The following ESR1 variants were observed in gnomAD, a reference collection of about 807,000 sequenced individuals.
ESR1 encodes the protein estrogen receptor 1, also known as estrogen receptor.
A neutral mutation model predicts 52.7 loss-of-function variants in ESR1; 12 were observed. The ratio of observed to expected loss-of-function variants is 0.23; its 90% CI spans 0.15 to 0.37. The LOEUF is 0.37. Ranked by LOEUF, ESR1 falls within the 10% of genes least tolerant of loss-of-function variation. The pLI, the probability that ESR1 is intolerant of heterozygous loss-of-function variation, is 1.00. For missense variants in ESR1, 584 were observed against 779.7 expected (o/e 0.75, Z 2.99); for synonymous variants, 305 against 316.8 (o/e 0.96, Z 0.39).
chr6:151,788,884 T>C (rs1056318378), intron 2 of ESR1, among the ~76,000 whole-genome samples: 13 of 152,112 alleles, frequency 8.5e-5, no homozygotes, highest in Admixed American at 2.6e-4. Flanking sequence ...TTCTCACTTG[T>C]AAGTGGGAGC....
intron 1 of ESR1, among the ~76,000 whole-genome samples, chr6:151,832,385 C>T (rs1782586889): frequency 6.6e-6 from 1 of 152,056 alleles, no homozygotes; most frequent in Non-Finnish European, 1.5e-5. Context: ...CATACATTTA[C>T]TTTTGTGGAA....
At chr6:151,822,621 G>T (rs915041776) in intron 1 of ESR1, among the ~76,000 whole-genome samples, 1 of 152,202 alleles carries the variant, frequency 6.6e-6, no homozygotes, top group Non-Finnish European at 1.5e-5. Flanking sequence ...GAATCTCCAT[G>T]AAGGAGAGCT....
intron 2 of ESR1, among the ~76,000 whole-genome samples, chr6:151,775,627 TC>T (rs998953478): frequency 6.6e-6 from 1 of 151,626 alleles, no homozygotes; most frequent in Non-Finnish European, 1.5e-5. Context: ...GCGCCTGTAG[TC>T]CCAGCTACTC....
chr6:151,968,671 G>T (rs2038563511), intron 4 of ESR1, among the ~76,000 whole-genome samples: 1 of 152,032 alleles, frequency 6.6e-6, no homozygotes, highest in South Asian at 2.1e-4. Context: ...TTACAAATGG[G>T]AGTCAAGGTG....
At chr6:151,850,105 T>TACAAAATTATATATATTATTTTATATGC (rs1554268323) in intron 2 of ESR1, among the ~76,000 whole-genome samples, 3 of 43,752 alleles carry the variant, frequency 6.9e-5, no homozygotes, top group East Asian at 1.9e-3. Flanking sequence ...TTTATATATA[T>TACAAAATTATATATATTATTTTATATGC]ATACAAAATT....
rs563855543 is a variant in ESR1 at position 151,938,324 on chromosome 6, C to T, written c.761-5849C>T. Among the ~76,000 whole-genome samples, 11 of 151,924 alleles carry T rather than the reference C, an allele frequency of 7.2e-5. 2 individuals carry two copies. Among genetic ancestry groups the T allele is most frequent in the African/African-American group, 2.4e-4 (10 of 41,426 alleles). On this transcript the variant is annotated intron_variant, in intron 3 of 7. Coordinates refer to ENST00000206249, the MANE Select transcript of ESR1 (RefSeq NM_000125.4). ...ATTCTATTCCTAATGAATACTCAGG[C>T]AGTATGTTAACTTTTTCTGAGATAC...
chr6:151,793,927 G>T (rs542204903), intron 2 of ESR1, among the ~76,000 whole-genome samples: 5 of 152,338 alleles, frequency 3.3e-5, no homozygotes, highest in Admixed American at 3.3e-4. Context: ...TTAAATTCAT[G>T]TACTTGCAAT....
At chr6:152,038,387 C>T (rs1246158754) in intron 5 of ESR1, among the ~76,000 whole-genome samples, 2 of 152,150 alleles carry the variant, frequency 1.3e-5, no homozygotes, top group African/African-American at 4.8e-5. Context: ...CCAAGGACAG[C>T]ACTTTGCATC....
At chr6:151,974,764 A>T (rs2039266383) in intron 4 of ESR1, among the ~76,000 whole-genome samples, 1 of 152,234 alleles carries the variant, frequency 6.6e-6, no homozygotes. Flanking sequence ...AAACATTTTA[A>T]GACAAGCAAT....
At chr6:151,780,669 C>T (rs1583255833) in intron 2 of ESR1, among the ~76,000 whole-genome samples, 1 of 152,294 alleles carries the variant, frequency 6.6e-6, no homozygotes, top group East Asian at 1.9e-4. Flanking sequence ...GAAGCCCTGA[C>T]TTGGGAAGAA....
intron 2 of ESR1, among the ~76,000 whole-genome samples, chr6:151,785,698 T>C (rs1046549411): frequency 6.6e-6 from 1 of 152,150 alleles, no homozygotes. Context: ...TGACTCTGGG[T>C]CGTCACTCTG....
At chr6:151,666,005 G>C (rs920304619) in intron 1 of ESR1, among the ~76,000 whole-genome samples, 79 of 152,166 alleles carry the variant, frequency 5.2e-4, no homozygotes, top group African/African-American at 1.9e-3. Context: ...AGAAATTATT[G>C]GGAAAAAATT....
intron 1 of ESR1, among the ~76,000 whole-genome samples, chr6:151,824,839 T>A (rs1781201015): frequency 2.0e-5 from 3 of 151,872 alleles, no homozygotes; most frequent in Non-Finnish European, 2.9e-5. Flanking sequence ...GAGAACCACT[T>A]GAACCCAGGA....
At chr6:152,095,166 C>T (rs777868719) in intron 7 of ESR1, among the ~76,000 whole-genome samples, 3 of 152,210 alleles carry the variant, frequency 2.0e-5, no homozygotes, top group Non-Finnish European at 4.4e-5. Context: ...CCAGAGTGAT[C>T]ATTCTAGAAC....
chr6:151,674,409 A>G (rs1252865398), intron 1 of ESR1, among the ~76,000 whole-genome samples: 2 of 152,138 alleles, frequency 1.3e-5, no homozygotes, highest in Non-Finnish European at 1.5e-5. Flanking sequence ...TATGTGCCAC[A>G]TTTCCTTTAT....
intron 1 of ESR1, among the ~76,000 whole-genome samples, chr6:151,665,246 A>G (rs1777778645): frequency 6.6e-6 from 1 of 152,144 alleles, no homozygotes; most frequent in Non-Finnish European, 1.5e-5. Flanking sequence ...TTAAACAAGA[A>G]AATGAGGTGG....
intron 4 of ESR1, among the ~76,000 whole-genome samples, chr6:151,962,451 A>C (rs1178784064): frequency 6.6e-6 from 1 of 152,092 alleles, no homozygotes; most frequent in African/African-American, 2.4e-5. Flanking sequence ...AGCCATCTAC[A>C]CATATCCCGG....
intron 1 of ESR1, among the ~76,000 whole-genome samples, chr6:151,819,450 C>G (rs1283248979): frequency 6.6e-6 from 1 of 152,176 alleles, no homozygotes; most frequent in Non-Finnish European, 1.5e-5. Flanking sequence ...CAGCTGCTCC[C>G]CATCGCTTGC....
intron 3 of ESR1, among the ~76,000 whole-genome samples, chr6:151,933,343 G>C (rs2033935053): frequency 6.6e-6 from 1 of 150,918 alleles, no homozygotes; most frequent in African/African-American, 2.4e-5. Flanking sequence ...ATCAGCTGAA[G>C]GAGATTTTGG....
Sources: allele counts gnomAD v4.1 joint callset (sites outside exome capture counted in the v4.1 genomes callset), GRCh38; gene constraint gnomAD v4.1.1; transcripts MANE v1.5; gene names NCBI Gene and HGNC (gene_info 2026-07-23, HGNC 2026-07-21).